The following ERICH5 variants were observed in gnomAD, a reference collection of about 807,000 sequenced individuals.
ERICH5 encodes the protein glutamate rich 5.
ERICH5 carries 24 observed loss-of-function variants against 28.0 expected under a neutral mutation model. The observed-to-expected ratio is 0.86, with a 90% confidence interval of 0.62 to 1.21. The LOEUF is 1.21. ERICH5 is among the 50% of genes most tolerant of loss of function. ERICH5 has a pLI of 0.00. For missense variants in ERICH5, 421 were observed against 441.2 expected (o/e 0.95, Z 0.41); for synonymous variants, 163 against 157.6 (o/e 1.03, Z -0.25).
chr8:98,091,383 C>T (rs749403967), intron 2 of ERICH5, among the ~76,000 whole-genome samples: 2 of 152,224 alleles, frequency 1.3e-5, no homozygotes, highest in Non-Finnish European at 2.9e-5. Flanking sequence ...TCACCATAGT[C>T]TGTTGTGGGA....
At chr8:98,075,785 C>CTATTTTTTT (rs1815040958) in intron 1 of ERICH5, among the ~76,000 whole-genome samples, 1 of 81,644 alleles carries the variant, frequency 1.2e-5, no homozygotes, top group African/African-American at 4.6e-5. Flanking sequence ...GCACACCTGC[C>CTATTTTTTT]TTTTTTTTTT....
At chr8:98,073,432 CTATATATATATATATATATATATA>C (rs1185025027) in intron 1 of ERICH5, among the ~76,000 whole-genome samples, 517 of 15,034 alleles carry the variant, frequency 0.034, 145 homozygotes, top group Admixed American at 0.039. Flanking sequence ...CTCTCTCTCT[CTATATATATATATATATATATATA>C]TATGTATATA....
chr8:98,073,526 A>C (rs527261952), intron 1 of ERICH5, among the ~76,000 whole-genome samples: 398 of 8,636 alleles, frequency 0.046, 88 homozygotes, highest in African/African-American at 0.11. Context: ...GTATATATAT[A>C]TATATATATA....
intron 1 of ERICH5, among the ~76,000 whole-genome samples, chr8:98,081,883 G>A (rs1217409847): frequency 6.6e-6 from 1 of 151,650 alleles, no homozygotes; most frequent in Non-Finnish European, 1.5e-5. Flanking sequence ...AGCTGAGATT[G>A]CACCATTGCA....
rs372604246 is a variant in ERICH5, at chr8:98,089,308, A to G, written c.291A>G (p.Gln97=). ...DVAPGRDATD[Q]SGSTEKTQPG... Reference sequence around the variant, plus strand: ...CCCCTGGAAGGGATGCCACAGACCAATCAGGGTCCACAGAAAAGACTCAGC... The same window carrying G: ...CCCCTGGAAGGGATGCCACAGACCAGTCAGGGTCCACAGAAAAGACTCAGC... The change falls in exon 2 of 3, where the codon CAA becomes CAG. Residue 97 remains glutamine, a synonymous_variant. Transcript: ENST00000318528. 20 of 1,614,138 alleles carry G rather than the reference A, an allele frequency of 1.2e-5. No homozygotes were observed. Among genetic ancestry groups the G allele is most frequent in the Non-Finnish European group, 1.7e-5 (20 of 1,180,052 alleles).
intron 2 of ERICH5, among the ~76,000 whole-genome samples, chr8:98,090,606 A>G (rs1815367329): frequency 6.6e-6 from 1 of 151,818 alleles, no homozygotes; most frequent in Non-Finnish European, 1.5e-5. Flanking sequence ...TCCAGAAAAA[A>G]AAAAAAAAAG....
intron 1 of ERICH5, among the ~76,000 whole-genome samples, chr8:98,086,716 T>C (rs2513833): frequency 0.54 from 81,696 of 151,904 alleles, 22,572 homozygotes; most frequent in Admixed American, 0.62. Flanking sequence ...TTTGGGAGGC[T>C]GAGGCGGGTG....
At chr8:98,092,609 A>G (rs1385213548) in intron 2 of ERICH5, among the ~76,000 whole-genome samples, 1 of 152,056 alleles carries the variant, frequency 6.6e-6, no homozygotes, top group Non-Finnish European at 1.5e-5. Context: ...CTGGCCATGA[A>G]CTTTCTATTA....
intron 1 of ERICH5, among the ~76,000 whole-genome samples, chr8:98,071,073 G>A (rs1402549420): frequency 2.6e-5 from 4 of 152,138 alleles, no homozygotes; most frequent in Admixed American, 2.0e-4. Context: ...AGACCAGCCT[G>A]GCCAACATGG....
chr8:98,087,454 A>G (rs969971111), intron 1 of ERICH5, among the ~76,000 whole-genome samples: 1 of 149,204 alleles, frequency 6.7e-6, no homozygotes, highest in African/African-American at 2.6e-5. Context: ...GAAAAAAGAA[A>G]AGAAGAAAAA....
chr8:98,077,599 C>T (rs1338148767), intron 1 of ERICH5, among the ~76,000 whole-genome samples: 2 of 152,204 alleles, frequency 1.3e-5, no homozygotes, highest in Admixed American at 1.3e-4. Flanking sequence ...GGTTTGATGA[C>T]AGACTTGCCT....
intron 1 of ERICH5, among the ~76,000 whole-genome samples, chr8:98,068,080 CT>C (rs1302825639): frequency 1.3e-5 from 2 of 151,960 alleles, no homozygotes; most frequent in Non-Finnish European, 2.9e-5. Flanking sequence ...TGGTCTTGAA[CT>C]TCCAAGCTCA....
At chr8:98,067,962 T>G (rs1814849519) in intron 1 of ERICH5, among the ~76,000 whole-genome samples, 1 of 152,054 alleles carries the variant, frequency 6.6e-6, no homozygotes, top group African/African-American at 2.4e-5. Context: ...TAAATATTAG[T>G]CTAATCCCTA....
chr8:98,091,900 C>CTTTCTTTTCTTTCTTTCTTTCTTTCTTT, intron 2 of ERICH5, among the ~76,000 whole-genome samples: 2 of 74,708 alleles, frequency 2.7e-5, no homozygotes, highest in African/African-American at 1.1e-4. Flanking sequence ...TTCTTTCTTT[C>CTTTCTTTTCTTTCTTTCTTTCTTTCTTT]CTTTCTTTCT....
rs753592507 is a variant in ERICH5, at chr8:98,089,997, T to G, written c.980T>G (p.Ile327Ser). 1.2e-6 allele frequency: 2 copies of G among 1,613,342 alleles called. No individual in the cohort carries two copies. Among genetic ancestry groups the G allele is most frequent in the Admixed American group, 1.7e-5 (1 of 59,960 alleles). Residue 327 changes from isoleucine (I) to serine (S), a missense_variant, in exon 2 of 3, where the codon ATC (isoleucine) becomes AGC (serine). Coordinates refer to ENST00000318528, the MANE Select transcript of ERICH5 (RefSeq NM_173549.3). Reference protein sequence around the residue: ...AGAYVEMIRNIHTNEEDQRIE... With the variant: ...AGAYVEMIRNSHTNEEDQRIE... ...GCATATGTGGAAATGATCAGGAACATCCATACTAATGAAGAGGACCAACGC... is the reference window on the plus strand; with the variant it reads ...GCATATGTGGAAATGATCAGGAACAGCCATACTAATGAAGAGGACCAACGC...
intron 1 of ERICH5, among the ~76,000 whole-genome samples, chr8:98,079,166 C>CTTTT (rs528062932): frequency 1.9e-4 from 14 of 75,582 alleles, no homozygotes; most frequent in African/African-American, 4.3e-4. Context: ...TTTTTTTTTC[C>CTTTT]TTTTTTTTTT....
intron 1 of ERICH5, among the ~76,000 whole-genome samples, chr8:98,066,132 C>G (rs1407917722): frequency 6.6e-6 from 1 of 152,178 alleles, no homozygotes; most frequent in Non-Finnish European, 1.5e-5. Flanking sequence ...TCCTAAAGAA[C>G]CCAGAGCTTC....
chr8:98,085,272 C>T (rs1213469870), intron 1 of ERICH5, among the ~76,000 whole-genome samples: 20 of 149,750 alleles, frequency 1.3e-4, no homozygotes, highest in Non-Finnish European at 2.4e-4. Context: ...GCCATTCTCC[C>T]GCCTCAGCCT....
At chr8:98,085,136 C>CTTTTTTTTTTTTTTTTTTTTTT (rs760470751) in intron 1 of ERICH5, among the ~76,000 whole-genome samples, 1 of 57,318 alleles carries the variant, frequency 1.7e-5, no homozygotes, top group African/African-American at 5.6e-5. Context: ...GTTCCACAGC[C>CTTTTTTTTTTTTTTTTTTTTTT]TTTTTTTTTT....
Sources: allele counts gnomAD v4.1 joint callset (sites outside exome capture counted in the v4.1 genomes callset), GRCh38; gene constraint gnomAD v4.1.1; transcripts MANE v1.5; gene names NCBI Gene and HGNC (gene_info 2026-07-23, HGNC 2026-07-21).